The following FOXF2 variants were observed in gnomAD, a reference collection of about 807,000 sequenced individuals.
FOXF2 encodes forkhead box protein F2.
In FOXF2, 15 loss-of-function variants were observed where a neutral mutation model predicts 29.1. That is an observed-to-expected ratio of 0.52 (90% CI 0.35 to 0.79). The LOEUF (loss-of-function observed/expected upper bound fraction) is 0.79. Among genes scored for constraint, FOXF2 ranks in the 30% least tolerant of loss-of-function variants. The probability of loss-of-function intolerance (pLI) is 0.01; values close to 1 mark genes in which losing one functional copy is unlikely to be tolerated. For synonymous variants in FOXF2, 337 were observed against 316.5 expected, an observed-to-expected ratio of 1.06 and a Z score of -0.69; for missense variants, 675 against 667.1, an observed-to-expected ratio of 1.01 and a Z score of -0.13.
At chr6:1,391,621 T>G (rs1052651952) in intron 1 of FOXF2, among the ~76,000 whole-genome samples, 2 of 151,756 alleles carry the variant, frequency 1.3e-5, no homozygotes. Flanking sequence ...GCTGGGCAAG[T>G]GTTAAGAGGA....
At chr6:1,392,884 G>A (rs1190713004) in intron 1 of FOXF2, among the ~76,000 whole-genome samples, 3 of 152,212 alleles carry the variant, frequency 2.0e-5, no homozygotes, top group Non-Finnish European at 4.4e-5. Context: ...ACGCCCGGGG[G>A]AGACAATAGC....
At chr6:1,393,857 C>A (rs1758846807) in intron 1 of FOXF2, among the ~76,000 whole-genome samples, 1 of 152,158 alleles carries the variant, frequency 6.6e-6, no homozygotes, top group South Asian at 2.1e-4. Context: ...CAGGAGGCGC[C>A]GAGAAAGCAA....
At position 1,390,156 on chromosome 6, in the gene FOXF2, C is replaced by T. The variant is rs1758748848; in HGVS notation, c.209C>T (p.Ser70Leu). The part of the protein sequence containing the change: ...SSSSNSASAP[S>L]AACKSAGGGG... ...TCCTCCAATTCGGCCAGCGCCCCCT[C>T]GGCTGCCTGCAAGAGCGCGGGCGGC... The change falls in exon 1 of 2, where the codon TCG becomes TTG. Residue 70 changes from serine (S) to leucine (L), a missense_variant. Ser to Leu is a moderately radical substitution (Grantham distance 145). Coordinates refer to ENST00000645481, the MANE Select transcript of FOXF2 (RefSeq NM_001452.2). This position sits in a 1 kb window ranked among gnomAD's most constrained non-coding sequence, Gnocchi z 8.5. 2 of 1,461,376 alleles carry T rather than the reference C, an allele frequency of 1.4e-6. No homozygotes were observed. Among genetic ancestry groups the T allele is most frequent in the Middle Eastern group, 2.1e-4 (1 of 4,668 alleles). The allele number at this position is 1,461,376 out of a possible 1,614,324, so 90.5% of individuals were successfully genotyped here. A position where few individuals can be genotyped will look rare whatever the true frequency, so the allele number is the denominator to read the frequency against.
At position 1,394,786 on chromosome 6, in the gene FOXF2, C is replaced by T; in HGVS notation, c.1262C>T (p.Pro421Leu). The T allele has an allele frequency of 6.2e-7, 1 of 1,614,046 alleles. No individual in the cohort carries two copies. The highest frequency in any genetic ancestry group is 1.7e-5 in the Admixed American group (1 of 60,010). ...LNFNGISSFH[P>L]SASGSYYHHH... The stretch of plus-strand genomic sequence containing the variant: ...TTCAATGGGATTTCTTCTTTCCATC[C>T]CTCAGCTAGCGGGTCGTATTATCAC... Residue 421 changes from proline to leucine, a missense_variant, in exon 2 of 2, where the codon CCC becomes CTC. Transcript: ENST00000645481.
chr6:1,390,350 C>T lies in FOXF2; in HGVS notation c.403C>T (p.Pro135Ser). The change falls in exon 1 of 2, where the codon CCC becomes TCC. Residue 135 changes from proline (P) to serine (S), a missense_variant. This residue lies in a region of FOXF2 where 220 missense variants were observed against 205.5 expected (regional missense o/e 1.07). Transcript: ENST00000645481. This position sits in a 1 kb window ranked among gnomAD's most constrained non-coding sequence, Gnocchi z 8.5. ...CTACCAGTTCCTGCAGGCGCGCTTC[C>T]CCTTCTTCCGCGGCGCCTACCAGGG... ...EIYQFLQARF[P>S]FFRGAYQGWK... 1 of 1,613,092 alleles carries T rather than the reference C, an allele frequency of 6.2e-7. No homozygotes were observed. The highest frequency in any genetic ancestry group is 8.5e-7 in the Non-Finnish European group (1 of 1,179,934).
chr6:1,392,434 T>TCACTCACACACACACACA (rs1554124327), intron 1 of FOXF2, among the ~76,000 whole-genome samples: 28 of 107,770 alleles, frequency 2.6e-4, no homozygotes, highest in South Asian at 1.1e-3. Flanking sequence ...CGGCTGTCAA[T>TCACTCACACACACACACA]CACACACACA....
intron 1 of FOXF2, among the ~76,000 whole-genome samples, chr6:1,393,230 GGT>G (rs967631859): frequency 2.0e-5 from 3 of 152,086 alleles, no homozygotes; most frequent in African/African-American, 7.2e-5. Flanking sequence ...TGGTGGCCAT[GGT>G]CCATGTGCCC....
rs939126289 is a variant in FOXF2, at chr6:1,389,835, G to T, written c.-113G>T. ...CTGGCCCGGAGTGGCCACGGCTGCA[G>T]CCCGGGCGGCGGGCTAGGGCGCTCG... On this transcript the variant is annotated 5_prime_UTR_variant, in exon 1 of 2. Coordinates refer to ENST00000645481, the MANE Select transcript of FOXF2 (RefSeq NM_001452.2). The T allele has an allele frequency of 9.2e-5, 17 of 185,720 alleles. No individual in the cohort carries two copies. Among genetic ancestry groups the T allele is most frequent in the African/African-American group, 3.9e-4 (16 of 41,004 alleles). The allele number at this position is 185,720 out of a possible 1,614,324, so 11.5% of individuals were successfully genotyped here.
Position 1,391,027 on chromosome 6 carries a change from C to A in FOXF2, c.1080C>A (p.Asn360Lys). 6.3e-7 allele frequency: 1 copy of A among 1,599,810 alleles called. No homozygotes were observed. ...KQPPALTPSS[N>K]PAASAGLHSS... ...CGCCTGCCCTGACGCCCAGCAGCAA[C>A]CCCGCCGCCTCGGCAGGCCTGCACT... is the stretch of plus-strand genomic sequence containing the variant. The change falls in exon 1 of 2, where the codon AAC (asparagine) becomes AAA (lysine). Residue 360 changes from asparagine (N) to lysine (K), a missense_variant. This residue lies in a region of FOXF2 where 451 missense variants were observed against 437.2 expected (regional missense o/e 1.03). Transcript: ENST00000645481.
At chr6:1,393,153 G>A (rs542584888) in intron 1 of FOXF2, among the ~76,000 whole-genome samples, 5 of 152,094 alleles carry the variant, frequency 3.3e-5, no homozygotes, top group Non-Finnish European at 5.9e-5. Context: ...ATGTCTACGC[G>A]CACACACCCA....
intron 1 of FOXF2, 24 bp from the exon 2 acceptor site, chr6:1,394,672 G>GTT: frequency 6.2e-7 from 1 of 1,601,242 alleles, no homozygotes; most frequent in Non-Finnish European, 8.5e-7. Context: ...TTCTGAAGAG[G>GTT]TTTTTTTTTC....
Position 1,390,187 on chromosome 6 carries a change from C to T in FOXF2, c.240C>T (p.Gly80=). ...SAACKSAGGG[G]AGAGSGGAKK... The stretch of plus-strand genomic sequence containing the variant: ...CCTGCAAGAGCGCGGGCGGCGGCGG[C>T]GCGGGCGCCGGGAGCGGGGGCGCCA... Residue 80 remains glycine, a synonymous_variant, in exon 1 of 2, where the codon GGC becomes GGT. Transcript: ENST00000645481. The surrounding 1 kb of genome is among the most constrained non-coding windows in gnomAD (Gnocchi z 8.5). 1 of 1,474,794 alleles carries T rather than the reference C, an allele frequency of 6.8e-7. No individual in the cohort carries two copies. The highest frequency in any genetic ancestry group is 9.0e-7 in the Non-Finnish European group (1 of 1,116,168). 91.4% of individuals were successfully genotyped at this position (1,474,794 alleles called of 1,614,324 possible). A position where few individuals can be genotyped will look rare whatever the true frequency, so the allele number is the denominator to read the frequency against.
intron 1 of FOXF2, 118 bp downstream of exon 1, chr6:1,391,236 G>A: frequency 6.6e-7 from 1 of 1,514,856 alleles, no homozygotes; most frequent in Non-Finnish European, 8.9e-7. Flanking sequence ...TGAGGGCACT[G>A]GGAAAAGCAG....
Position 1,394,884 on chromosome 6 carries a change from G to T in FOXF2, c.*25G>T, listed in dbSNP as rs45600838. 1 of 1,612,026 alleles carries T rather than the reference G, an allele frequency of 6.2e-7. No homozygotes were observed. On this transcript the variant is annotated 3_prime_UTR_variant, in exon 2 of 2. Transcript: ENST00000645481. Reference sequence around the variant, plus strand: ...AACGGAAAGAGGCCAAGCGATGGCCGCTCTCTCCTCTCCCCTCCTCAGAGG... The same window carrying T: ...AACGGAAAGAGGCCAAGCGATGGCCTCTCTCTCCTCTCCCCTCCTCAGAGG...
Position 1,395,381 on chromosome 6 carries a change from T to C in FOXF2, c.*522T>C, listed in dbSNP as rs1439755855. The C allele has an allele frequency of 6.2e-6, 1 of 160,850 alleles. No homozygotes were observed. Among genetic ancestry groups the C allele is most frequent in the Non-Finnish European group, 1.4e-5 (1 of 72,696 alleles). The allele number at this position is 160,850 out of a possible 1,614,324, so 10.0% of individuals were successfully genotyped here. A position where few individuals can be genotyped will look rare whatever the true frequency, so the allele number is the denominator to read the frequency against. ...TTATTAAGGAATTATTTAGAAACAA[T>C]GTGTCTAGTTTAAGAAAGTGGTTTT... On this transcript the variant is annotated 3_prime_UTR_variant, in exon 2 of 2. Coordinates refer to ENST00000645481, the MANE Select transcript of FOXF2 (RefSeq NM_001452.2).
chr6:1,390,680 G>A lies in FOXF2; in HGVS notation c.733G>A (p.Gly245Ser). The change falls in exon 1 of 2, where the codon GGC becomes AGC. Residue 245 changes from glycine to serine, a missense_variant. By Grantham distance (56) the Gly-to-Ser change is moderately conservative (BLOSUM62 0). This residue lies in a region of FOXF2 where 451 missense variants were observed against 437.2 expected (regional missense o/e 1.03). Coordinates refer to ENST00000645481, the MANE Select transcript of FOXF2 (RefSeq NM_001452.2). The surrounding 1 kb of genome is among the most constrained non-coding windows in gnomAD (Gnocchi z 8.5). Reference protein sequence around the residue: ...LGCHSQGGYGGLDMMPAGYDA... With the variant: ...LGCHSQGGYGSLDMMPAGYDA... ...CTGCCACAGCCAGGGCGGCTACGGC[G>A]GCCTCGACATGATGCCCGCGGGCTA... 1 of 1,527,374 alleles carries A rather than the reference G, an allele frequency of 6.5e-7. No individual in the cohort carries two copies. Among genetic ancestry groups the A allele is most frequent in the Non-Finnish European group, 8.7e-7 (1 of 1,145,884 alleles). 94.6% of individuals were successfully genotyped at this position (1,527,374 alleles called of 1,614,324 possible). A position where few individuals can be genotyped will look rare whatever the true frequency, so the allele number is the denominator to read the frequency against.
rs754133324 is a variant in FOXF2, at chr6:1,391,080, A to G, written c.1133A>G (p.Gln378Arg). 3 of 1,603,946 alleles carry G rather than the reference A, an allele frequency of 1.9e-6. No homozygotes were observed. Among genetic ancestry groups the G allele is most frequent in the Non-Finnish European group, 8.5e-7 (1 of 1,179,598 alleles). The change falls in exon 1 of 2, where the codon CAG (glutamine) becomes CGG (arginine). Residue 378 changes from glutamine (Q) to arginine (R), a missense_variant. Gln to Arg is a conservative substitution (Grantham distance 43, BLOSUM62 1). Transcript: ENST00000645481. ...HSSMSSYSLE[Q>R]SYLHQNARED... ...AGCATGTCCTCCTACTCGCTGGAGCAGAGCTACTTGCACCAGAACGCTCGC... is the reference window on the plus strand; with the variant it reads ...AGCATGTCCTCCTACTCGCTGGAGCGGAGCTACTTGCACCAGAACGCTCGC...
chr6:1,392,434 TCACA>T (rs71738664), intron 1 of FOXF2, among the ~76,000 whole-genome samples: 3,824 of 107,674 alleles, frequency 0.036, 67 homozygotes, highest in Non-Finnish European at 0.05. Flanking sequence ...CGGCTGTCAA[TCACA>T]CACACACACA....
chr6:1,392,478 C>A (rs866110179), intron 1 of FOXF2, among the ~76,000 whole-genome samples: 2 of 91,480 alleles, frequency 2.2e-5, no homozygotes, highest in Non-Finnish European at 4.4e-5. Flanking sequence ...ACACACACAC[C>A]CCTCGGTGCA....
Sources: gnomAD v4.1 joint callset for allele counts (sites outside exome capture counted in the v4.1 genomes callset) on GRCh38, gnomAD v4.1.1 for gene constraint, gnomAD v4.1.1 regional missense constraint, Gnocchi (gnomAD v3.1) non-coding constraint, MANE v1.5 for transcripts, NCBI Gene and HGNC (gene_info 2026-07-23, HGNC 2026-07-21) for gene names.